COL15A1: variants seen among roughly 807,000 people sequenced by gnomAD.
The protein encoded by COL15A1 is collagen alpha-1(XV) chain.
COL15A1 carries 111 observed loss-of-function variants against 165.9 expected under a neutral mutation model. That is an observed-to-expected ratio of 0.67 (90% CI 0.57 to 0.78). COL15A1 has a LOEUF of 0.78. Ranked by LOEUF, COL15A1 falls within the 30% of genes least tolerant of loss-of-function variation. The pLI is 0.00. For missense variants in COL15A1, 1,745 were observed against 1,789.7 expected, an observed-to-expected ratio of 0.98 and a Z score of 0.45; for synonymous variants, 659 against 674.8, an observed-to-expected ratio of 0.98 and a Z score of 0.36.
At position 98,971,633 on chromosome 9, in the gene COL15A1, C is replaced by T. The variant is rs189756112; in HGVS notation, c.101-13932C>T. On this transcript the variant is annotated intron_variant, in intron 2 of 41. Transcript: ENST00000375001. Reference sequence around the variant, plus strand: ...TGAGGGAAGGGGGTAAAGGAAGGGACGTAAAGACCCCCACTGCAGCAAGAC... The same window carrying T: ...TGAGGGAAGGGGGTAAAGGAAGGGATGTAAAGACCCCCACTGCAGCAAGAC... Among the ~76,000 whole-genome samples the T allele has an allele frequency of 1.3e-4, 20 of 152,322 alleles. No individual in the cohort carries two copies. The East Asian group carries it at 3.1e-3, about 23-fold the overall frequency.
At chr9:99,031,298 G>A (rs1839209911) in intron 16 of COL15A1, among the ~76,000 whole-genome samples, 1 of 152,148 alleles carries the variant, frequency 6.6e-6, no homozygotes, top group Non-Finnish European at 1.5e-5. Flanking sequence ...TGGGTAGTGT[G>A]TCCCAATAGG....
intron 2 of COL15A1, among the ~76,000 whole-genome samples, chr9:98,960,125 A>G (rs1195967921): frequency 3.3e-5 from 5 of 152,168 alleles, no homozygotes; most frequent in Admixed American, 2.6e-4. Flanking sequence ...CAGAGTCCCA[A>G]GGCCGGGCAC....
At position 99,020,470 on chromosome 9, in the gene COL15A1, A is replaced by T. The variant is rs370687875; in HGVS notation, c.1701+28A>T. Reference sequence around the variant, plus strand: ...TTGTGCTGTGACCATCCTGGGGAACACTTTGGCTCCTGATCAAGTGTCCTG... The same window carrying T: ...TTGTGCTGTGACCATCCTGGGGAACTCTTTGGCTCCTGATCAAGTGTCCTG... On this transcript the variant is annotated intron_variant, in intron 12 of 41. Coordinates refer to ENST00000375001, the MANE Select transcript of COL15A1 (RefSeq NM_001855.5). 150 of 1,544,566 alleles carry T rather than the reference A, an allele frequency of 9.7e-5. 3 individuals carry two copies. The Middle Eastern group carries it at 2.7e-3, about 28-fold the overall frequency.
intron 15 of COL15A1, among the ~76,000 whole-genome samples, chr9:99,025,354 A>C (rs1354639776): frequency 6.6e-6 from 1 of 152,170 alleles, no homozygotes; most frequent in Admixed American, 6.6e-5. Flanking sequence ...TTCTGTTTTC[A>C]CTTTCAACAC....
chr9:98,957,828 G>A (rs770159441), intron 2 of COL15A1, among the ~76,000 whole-genome samples: 5 of 152,144 alleles, frequency 3.3e-5, no homozygotes, highest in South Asian at 2.1e-4. Context: ...GCAGGTGTGC[G>A]CCACCATGCC....
Position 98,944,988 on chromosome 9 carries a change from TCATCG to T in COL15A1, c.100+740_100+744del, listed in dbSNP as rs1837554644. 2.0e-5 allele frequency among the ~76,000 whole-genome samples: 3 copies of T among 152,336 alleles called. No homozygotes were observed. The South Asian group carries it at 6.2e-4, about 32-fold the overall frequency. On this transcript the variant is annotated intron_variant, in intron 2 of 41. Coordinates refer to ENST00000375001, the MANE Select transcript of COL15A1 (RefSeq NM_001855.5). ...GCTGAGTGATCTTGGGCAATGGATT[TCATCG>T]CTCTGTGCCTCAGTTTCCCCATCTG...
rs2117916036 is a variant in COL15A1 at position 99,054,951 on chromosome 9, G to A, written c.3032-151G>A. On this transcript the variant is annotated intron_variant, in intron 32 of 41. Coordinates refer to ENST00000375001, the MANE Select transcript of COL15A1 (RefSeq NM_001855.5). The stretch of plus-strand genomic sequence containing the variant: ...TGGGTTGATGGGCCCACAGTAGCTA[G>A]CACCTGTTTCTGCTTCCAAGCAGAC... The A allele has an allele frequency of 6.6e-6, 5 of 758,558 alleles. No homozygotes were observed. The East Asian group carries it at 1.2e-4, about 19-fold the overall frequency. The allele number at this position is 758,558 out of a possible 1,614,324, so 47.0% of individuals were successfully genotyped here.
intron 36 of COL15A1, 139 bp downstream of exon 36, chr9:99,060,092 G>A (rs1245692730): frequency 2.3e-6 from 2 of 863,590 alleles, no homozygotes; most frequent in South Asian, 4.7e-5. Flanking sequence ...TCCATAAATA[G>A]TAGAAGGGAT....
intron 2 of COL15A1, among the ~76,000 whole-genome samples, chr9:98,950,433 C>A (rs373268431): frequency 7.3e-4 from 111 of 151,938 alleles, no homozygotes; most frequent in African/African-American, 2.6e-3. Flanking sequence ...TTCTTTCTTT[C>A]TTTTTTCTTT....
intron 9 of COL15A1, among the ~76,000 whole-genome samples, chr9:99,009,731 T>G (rs1056181317): frequency 5.3e-5 from 8 of 152,224 alleles, no homozygotes; most frequent in African/African-American, 1.9e-4. Flanking sequence ...AAGAGATTGA[T>G]TTCTCAAACA....
At chr9:99,066,055 A>G (rs1588541840) in intron 39 of COL15A1, among the ~76,000 whole-genome samples, 1 of 151,796 alleles carries the variant, frequency 6.6e-6, no homozygotes, top group African/African-American at 2.4e-5. Context: ...GGTAACTTGG[A>G]CCCAGGTCCT....
At chr9:98,996,380 T>C (rs1838543080) in intron 5 of COL15A1, among the ~76,000 whole-genome samples, 1 of 152,220 alleles carries the variant, frequency 6.6e-6, no homozygotes, top group Non-Finnish European at 1.5e-5. Context: ...TGAAGCACTC[T>C]GTGTTTCTGT....
rs1295056683 is a variant in COL15A1 at position 99,059,896 on chromosome 9, C to A, written c.3345C>A (p.Ala1115=). The change falls in exon 36 of 42, where the codon GCC becomes GCA. Residue 1115 remains alanine, a synonymous_variant. Coordinates refer to ENST00000375001, the MANE Select transcript of COL15A1 (RefSeq NM_001855.5). ...GPPAILGAAV[A]LPGPPGPPGQ... Reference sequence around the variant, plus strand: ...TTTTCTGTTTTGTCTTAGCTGTGGCCCTTCCAGGTCCCCCTGGCCCTCCAG... The same window carrying A: ...TTTTCTGTTTTGTCTTAGCTGTGGCACTTCCAGGTCCCCCTGGCCCTCCAG... The A allele has an allele frequency of 6.2e-7, 1 of 1,613,724 alleles. No homozygotes were observed. Among genetic ancestry groups the A allele is most frequent in the Non-Finnish European group, 8.5e-7 (1 of 1,179,924 alleles).
intron 2 of COL15A1, among the ~76,000 whole-genome samples, chr9:98,983,465 A>G (rs529648968): frequency 8.5e-5 from 13 of 152,224 alleles, no homozygotes; most frequent in Non-Finnish European, 1.8e-4. Context: ...CCTGCCACTT[A>G]CCAGCTGCAT....
chr9:99,017,179 G>A (rs1838951231), intron 11 of COL15A1, among the ~76,000 whole-genome samples: 1 of 152,210 alleles, frequency 6.6e-6, no homozygotes. Context: ...AACTGACATT[G>A]ATTAATCACT....
chr9:98,999,439 G>A (rs930672015), intron 6 of COL15A1, among the ~76,000 whole-genome samples: 2 of 152,164 alleles, frequency 1.3e-5, no homozygotes, highest in African/African-American at 4.8e-5. Flanking sequence ...GTTGCTGGAG[G>A]GAGTGCATGG....
At chr9:98,975,148 C>T (rs753839370) in intron 2 of COL15A1, among the ~76,000 whole-genome samples, 1 of 152,252 alleles carries the variant, frequency 6.6e-6, no homozygotes, top group Non-Finnish European at 1.5e-5. Flanking sequence ...CGCCTCCGTC[C>T]GGACATATCC....
chr9:99,016,082 C>A lies in COL15A1; in HGVS notation c.1610C>A (p.Pro537His). Residue 537 changes from proline (P) to histidine (H), a missense_variant, in exon 11 of 42, where the codon CCC becomes CAC. By Grantham distance (77) the Pro-to-His change is moderately conservative (BLOSUM62 -2). Transcript: ENST00000375001. ...CCTCCCCCTGATGGGCCACCGCTGCCCCTGCCCACAGTGGCTCCTGAAAGA... is the reference window on the plus strand; with the variant it reads ...CCTCCCCCTGATGGGCCACCGCTGCACCTGCCCACAGTGGCTCCTGAAAGA... ...GSPPPDGPPL[P>H]LPTVAPERWI... 1.2e-6 allele frequency: 2 copies of A among 1,613,654 alleles called. No individual in the cohort carries two copies. Among genetic ancestry groups the A allele is most frequent in the Non-Finnish European group, 1.7e-6 (2 of 1,179,786 alleles).
chr9:99,053,815 T>C (rs1227459895), intron 31 of COL15A1, among the ~76,000 whole-genome samples: 1 of 152,162 alleles, frequency 6.6e-6, no homozygotes, highest in Non-Finnish European at 1.5e-5. Flanking sequence ...CATCTACACT[T>C]TGTGGCCCCA....
Sources: gnomAD v4.1 joint callset for allele counts (sites outside exome capture counted in the v4.1 genomes callset) on GRCh38, gnomAD v4.1.1 for gene constraint, MANE v1.5 for transcripts, NCBI Gene and HGNC (gene_info 2026-07-23, HGNC 2026-07-21) for gene names.